Variants in ATRX observed in about 807,000 individuals in gnomAD.
ATRX encodes the protein chromatin remodeler ATRX.
In ATRX, 12 loss-of-function variants were observed where a neutral mutation model predicts 172.6. That is an observed-to-expected ratio of 0.07 (90% CI 0.04 to 0.11). The LOEUF (loss-of-function observed/expected upper bound fraction) is 0.11. Ranked by LOEUF, ATRX falls within the 10% of genes least tolerant of loss-of-function variation. ATRX has a pLI of 1.00. For missense variants in ATRX, 1,368 were observed against 1,767.4 expected (o/e 0.77, Z 4.05); for synonymous variants, 674 against 594.7 (o/e 1.13, Z -1.94).
rs1376143020 is a variant in ATRX at position 77,721,781 on chromosome X, A to T, written c.21-4538T>A. 7.2e-5 allele frequency among the ~76,000 whole-genome samples: 8 copies of T among 111,645 alleles called. No homozygotes were observed. The Admixed American group carries it at 7.6e-4, about 11-fold the overall frequency. On this transcript the variant is annotated intron_variant, in intron 1 of 34. Transcript: ENST00000373344. Reference sequence around the variant, plus strand: ...GTATACATTCAATGCTATCCCCATCAAGCTACCACTGACTTTCTTCACAGA... The same window carrying T: ...GTATACATTCAATGCTATCCCCATCTAGCTACCACTGACTTTCTTCACAGA...
rs1757154674 is a variant in ATRX, at chrX:77,681,945, C to G, written c.3311G>C (p.Arg1104Thr). The stretch of plus-strand genomic sequence containing the variant: ...AGTATCAGATGATGAACAATCTTGT[C>G]TCTTCCTTGAACTCTTTCCAAGCAA... ...CKLLGKSSRKRQDCSSSDTEK... is the reference protein window; with the variant it reads ...CKLLGKSSRKTQDCSSSDTEK... Residue 1104 changes from arginine (R) to threonine (T), a missense_variant, in exon 9 of 35, where the codon AGA becomes ACA. Around this residue, in one of 17 missense-constraint regions of ATRX, gnomAD observed 843 missense variants for 643.1 expected, o/e 1.31. Coordinates refer to ENST00000373344, the MANE Select transcript of ATRX (RefSeq NM_000489.6). 1.7e-6 allele frequency: 2 copies of G among 1,210,719 alleles called. No homozygotes were observed. The highest frequency in any genetic ancestry group is 2.2e-6 in the Non-Finnish European group (2 of 894,972).
chrX:77,518,450 G>T (rs782008869), intron 34 of ATRX, among the ~76,000 whole-genome samples: 1 of 111,725 alleles, frequency 9.0e-6, no homozygotes, highest in African/African-American at 3.2e-5. Flanking sequence ...CTTAACCAAA[G>T]AAGTGAAAGA....
intron 34 of ATRX, among the ~76,000 whole-genome samples, chrX:77,519,140 A>G (rs781975162): frequency 8.9e-6 from 1 of 111,924 alleles, no homozygotes. Flanking sequence ...CAAATAAAAA[A>G]TGGACAAACA....
At chrX:77,671,138 A>C (rs1487594277) in intron 10 of ATRX, among the ~76,000 whole-genome samples, 1 of 57,333 alleles carries the variant, frequency 1.7e-5, no homozygotes. Flanking sequence ...ACAGAGTGAG[A>C]CTCTGTCTCA....
chrX:77,620,643 T>C, intron 19 of ATRX, 111 bp from the exon 20 acceptor site: 1 of 731,448 alleles, frequency 1.4e-6, no homozygotes, highest in Admixed American at 3.1e-5. Context: ...TACAGGAAGA[T>C]AAAATGACAT....
intron 28 of ATRX, among the ~76,000 whole-genome samples, chrX:77,568,959 G>A (rs1557065997): frequency 9.0e-6 from 1 of 111,222 alleles, no homozygotes; most frequent in Non-Finnish European, 1.9e-5. Context: ...TCAACTTGAT[G>A]AAGAGTAATT....
Position 77,600,549 on chromosome X carries a change from C to G in ATRX, c.5582G>C (p.Ser1861Thr), listed in dbSNP as rs2148158831. Residue 1861 changes from serine to threonine, a missense_variant, in exon 23 of 35, where the codon AGT (serine) becomes ACT (threonine). By Grantham distance (58) the Ser-to-Thr change is moderately conservative. Coordinates refer to ENST00000373344, the MANE Select transcript of ATRX (RefSeq NM_000489.6). Reference sequence around the variant, plus strand: ...ACCTGCCTTTCCTCTTCCACCTTCACTATTATTGCCCACACCTGATCAAAA... The same window carrying G: ...ACCTGCCTTTCCTCTTCCACCTTCAGTATTATTGCCCACACCTGATCAAAA... ...LDHLTGVGNN[S>T]EGGRGKAGAK... The G allele has an allele frequency of 1.7e-6, 2 of 1,210,686 alleles. No homozygotes were observed. Among genetic ancestry groups the G allele is most frequent in the Middle Eastern group, 2.3e-4 (1 of 4,348 alleles).
chrX:77,659,113 A>G (rs1046784510), intron 12 of ATRX, among the ~76,000 whole-genome samples: 4 of 111,375 alleles, frequency 3.6e-5, no homozygotes, highest in African/African-American at 1.3e-4. Context: ...GAATGACGAC[A>G]CGTTTTAGGG....
intron 1 of ATRX, among the ~76,000 whole-genome samples, chrX:77,740,048 C>A: frequency 5.5e-5 from 3 of 54,078 alleles, no homozygotes; most frequent in Admixed American, 2.8e-4. Context: ...CGCAAAACTC[C>A]ATCCCAAAAA....
chrX:77,574,963 T>C (rs1909495255), intron 27 of ATRX, among the ~76,000 whole-genome samples: 3 of 109,808 alleles, frequency 2.7e-5, no homozygotes, highest in Non-Finnish European at 5.7e-5. Flanking sequence ...AGACAGTGAG[T>C]TTAAGTTTTT....
intron 1 of ATRX, among the ~76,000 whole-genome samples, chrX:77,725,409 G>A (rs150940261): frequency 0.017 from 1,933 of 111,872 alleles, 24 homozygotes; most frequent in Non-Finnish European, 0.028. Context: ...TGGGAAAACT[G>A]GCTAGCCATA....
chrX:77,583,113 T>C (rs782386231), intron 27 of ATRX, among the ~76,000 whole-genome samples: 18 of 111,731 alleles, frequency 1.6e-4, no homozygotes, highest in Admixed American at 5.7e-4. Flanking sequence ...GCAAACGGAA[T>C]TCAATAATAA....
rs376341197 is a variant in ATRX at position 77,684,458 on chromosome X, G to A, written c.798C>T (p.Tyr266=). The change falls in exon 9 of 35, where the codon TAC becomes TAT. Residue 266 remains tyrosine, a synonymous_variant. Transcript: ENST00000373344. The part of the protein sequence containing the change: ...IMDENNQWYC[Y]ICHPEPLLDL... ...CCAACAAAGGCTCTGGGTGACAAAT[G>A]TAGCAATACCATTGGTTGTTTTCAT... is the stretch of plus-strand genomic sequence containing the variant. 158 of 1,210,018 alleles carry A rather than the reference G, an allele frequency of 1.3e-4. No homozygotes were observed. The highest frequency in any genetic ancestry group is 1.7e-4 in the Non-Finnish European group (153 of 894,981).
intron 27 of ATRX, among the ~76,000 whole-genome samples, chrX:77,588,208 G>A (rs1234246286): frequency 8.9e-6 from 1 of 111,809 alleles, no homozygotes; most frequent in African/African-American, 3.2e-5. Context: ...ACAGTCCTGG[G>A]ACAAATGGAT....
At chrX:77,669,386 T>G (rs1158378431) in intron 10 of ATRX, among the ~76,000 whole-genome samples, 2 of 108,355 alleles carry the variant, frequency 1.8e-5, no homozygotes, top group Non-Finnish European at 3.8e-5. Flanking sequence ...CAACCTGGAG[T>G]GAGGGAGGCT....
At chrX:77,566,331 C>T (rs1222430895) in intron 28 of ATRX, among the ~76,000 whole-genome samples, 1 of 111,531 alleles carries the variant, frequency 9.0e-6, no homozygotes, top group Non-Finnish European at 1.9e-5. Context: ...ACCAGGGAGA[C>T]GAGAAGGTAG....
At chrX:77,766,288 T>A (rs1459802172) in intron 1 of ATRX, among the ~76,000 whole-genome samples, 2 of 109,560 alleles carry the variant, frequency 1.8e-5, no homozygotes, top group African/African-American at 6.7e-5. Flanking sequence ...GCCCCTCACC[T>A]CCCCGACGGG....
At chrX:77,635,117 A>G (rs1434103661) in intron 16 of ATRX, among the ~76,000 whole-genome samples, 3 of 110,926 alleles carry the variant, frequency 2.7e-5, no homozygotes, top group Non-Finnish European at 5.7e-5. Context: ...CCCCGTCTCT[A>G]CTAAAATACA....
intron 2 of ATRX, chrX:77,698,950 A>T: frequency 3.4e-6 from 1 of 298,056 alleles, no homozygotes; most frequent in Non-Finnish European, 6.1e-6. Context: ...AATAAAAAAC[A>T]TACTACCAAT....
Sources: gnomAD v4.1 joint callset for allele counts (sites outside exome capture counted in the v4.1 genomes callset) on GRCh38, gnomAD v4.1.1 for gene constraint, gnomAD v4.1.1 regional missense constraint, MANE v1.5 for transcripts, NCBI Gene and HGNC (gene_info 2026-07-23, HGNC 2026-07-21) for gene names.